Variants in BPIFA1 observed in about 807,000 individuals in gnomAD.
BPIFA1 encodes BPI fold containing family A member 1.
A neutral mutation model predicts 25.1 loss-of-function variants in BPIFA1; 24 were observed. The ratio of observed to expected loss-of-function variants is 0.96; its 90% CI spans 0.69 to 1.35. The LOEUF (loss-of-function observed/expected upper bound fraction) is 1.35. BPIFA1 is among the 40% of genes most tolerant of loss of function. BPIFA1 has a pLI of 0.00. For missense variants in BPIFA1, 344 were observed against 303.7 expected (o/e 1.13, Z -0.99); for synonymous variants, 139 against 131.8 (o/e 1.05, Z -0.37).
In BPIFA1 at chr20:33,240,454, A is replaced by G; in HGVS notation, c.581+69A>G. The G allele has an allele frequency of 2.5e-6, 4 of 1,571,868 alleles. No homozygotes were observed. The South Asian group carries it at 4.6e-5, about 18-fold the overall frequency. ...TGTGATGCCGGATGGATGATTGGAA[A>G]GCTGAGACAATGAGAGAATAGATGA... On this transcript the variant is annotated intron_variant, in intron 5 of 8. Transcript: ENST00000354297.
chr20:33,240,563 G>A (rs985487872), intron 5 of BPIFA1, among the ~76,000 whole-genome samples, 178 bp downstream of exon 5: 6 of 151,876 alleles, frequency 4.0e-5, no homozygotes, highest in Non-Finnish European at 8.8e-5. Flanking sequence ...TGGATGGATG[G>A]ATGGATGGAT....
At position 33,241,465 on chromosome 20, in the gene BPIFA1, G is replaced by A. The variant is rs1978975668; in HGVS notation, c.662G>A (p.Gly221Asp). The part of the protein sequence containing the change: ...LNKVLPELVQ[G>D]NVCPLVNEVL... Reference sequence around the variant, plus strand: ...AAAGTCCTGCCTGAGTTGGTTCAGGGCAACGTAAGTAGGCAAGGTGGGGAT... The same window carrying A: ...AAAGTCCTGCCTGAGTTGGTTCAGGACAACGTAAGTAGGCAAGGTGGGGAT... Residue 221 changes from glycine (G) to aspartate (D), a missense_variant, in exon 6 of 9, where the codon GGC becomes GAC. Gly to Asp is a moderately conservative substitution (Grantham distance 94, BLOSUM62 -1). Coordinates refer to ENST00000354297, the MANE Select transcript of BPIFA1 (RefSeq NM_130852.3). 6.2e-7 allele frequency: 1 copy of A among 1,612,626 alleles called. No homozygotes were observed. The highest frequency in any genetic ancestry group is 2.2e-5 in the East Asian group (1 of 44,880).
At chr20:33,236,827 G>T (rs982570406) in intron 1 of BPIFA1, among the ~76,000 whole-genome samples, 24 of 152,188 alleles carry the variant, frequency 1.6e-4, no homozygotes, top group African/African-American at 5.3e-4. Context: ...CCTTGGGAAA[G>T]TCACTACCCC....
chr20:33,238,285 AGT>A, intron 3 of BPIFA1, 71 bp downstream of exon 3: 1 of 863,458 alleles, frequency 1.2e-6, no homozygotes, highest in Non-Finnish European at 1.6e-6. Flanking sequence ...AGCCCCAGGC[AGT>A]GACCCTGAAG....
Position 33,242,490 on chromosome 20 carries a change from T to C in BPIFA1, c.734T>C (p.Met245Thr), listed in dbSNP as rs772839337. Residue 245 changes from methionine (M) to threonine (T), a missense_variant, in exon 8 of 9, where the codon ATG becomes ACG. Physicochemically the swap from Met to Thr is moderately conservative, Grantham distance 81. Transcript: ENST00000354297. ...DITLVHDIVNMLIHGLQFVIK... is the reference protein window; with the variant it reads ...DITLVHDIVNTLIHGLQFVIK... Reference sequence around the variant, plus strand: ...TATTGCTTGTTTGTTTGTTTAGACATGCTGATCCACGGACTACAGTTTGTC... The same window carrying C: ...TATTGCTTGTTTGTTTGTTTAGACACGCTGATCCACGGACTACAGTTTGTC... 10 of 1,614,164 alleles carry C rather than the reference T, an allele frequency of 6.2e-6. No homozygotes were observed. The highest frequency in any genetic ancestry group is 8.5e-6 in the Non-Finnish European group (10 of 1,179,990).
rs1978870717 is a variant in BPIFA1 at position 33,239,852 on chromosome 20, C to G, written c.370C>G (p.Pro124Ala). ...GCTGGAACTTGGCCTTGTGCAGAGC[C>G]CTGATGGCCACCGTCTCTATGTCAC... ...QLLELGLVQSPDGHRLYVTIP... is the reference protein window; with the variant it reads ...QLLELGLVQSADGHRLYVTIP... Residue 124 changes from proline (P) to alanine (A), a missense_variant, in exon 4 of 9, where the codon CCT (proline) becomes GCT (alanine). Physicochemically the swap from Pro to Ala is conservative, Grantham distance 27 (BLOSUM62 -1). Coordinates refer to ENST00000354297, the MANE Select transcript of BPIFA1 (RefSeq NM_130852.3). 1 of 1,614,196 alleles carries G rather than the reference C, an allele frequency of 6.2e-7. No homozygotes were observed. The highest frequency in any genetic ancestry group is 2.2e-5 in the East Asian group (1 of 44,882).
In BPIFA1 at chr20:33,239,918, G is replaced by C; in HGVS notation, c.428+8G>C. The C allele has an allele frequency of 6.2e-7, 1 of 1,609,388 alleles. No homozygotes were observed. The highest frequency in any genetic ancestry group is 8.5e-7 in the Non-Finnish European group (1 of 1,175,708). ...AAAGCTCCAAGTGAATACGTGAGTG[G>C]GTCCCAAGAGGGGGTGAGAGGATGG... On this transcript the variant is annotated splice_region_variant and intron_variant, in intron 4 of 8. Transcript: ENST00000354297.
chr20:33,240,341 C>T lies in BPIFA1; in HGVS notation c.537C>T (p.Asp179=). 2.5e-6 allele frequency: 4 copies of T among 1,614,146 alleles called. No individual in the cohort carries two copies. Among genetic ancestry groups the T allele is most frequent in the Middle Eastern group, 1.6e-4 (1 of 6,062 alleles). The part of the protein sequence containing the change: ...KQERIHLVLG[D]CTHSPGSLQI... ...AGAGGATCCACCTGGTCCTTGGTGA[C>T]TGCACCCATTCCCCTGGAAGCCTGC... The change falls in exon 5 of 9, where the codon GAC becomes GAT. Residue 179 remains aspartate (D), a synonymous_variant. Transcript: ENST00000354297.
At chr20:33,240,153 G>A in intron 4 of BPIFA1, 80 bp from the exon 5 acceptor site, 4 of 1,566,252 alleles carry the variant, frequency 2.6e-6, no homozygotes, top group Non-Finnish European at 3.5e-6. Context: ...GGTGAGGCTA[G>A]CATTCTTGGC....
chr20:33,239,324 G>A (rs866450460), intron 3 of BPIFA1, among the ~76,000 whole-genome samples: 1 of 152,174 alleles, frequency 6.6e-6, no homozygotes, highest in Non-Finnish European at 1.5e-5. Context: ...AAATGTTTGT[G>A]CAGATTTACT....
intron 6 of BPIFA1, 137 bp downstream of exon 6, chr20:33,241,606 T>G: frequency 1.3e-6 from 1 of 768,170 alleles, no homozygotes; most frequent in South Asian, 1.6e-5. Context: ...TGTCCATTGA[T>G]CCATCTGTCC....
rs758753173 is a variant in BPIFA1, at chr20:33,242,053, C to T, written c.667-3C>T. The T allele has an allele frequency of 3.7e-6, 6 of 1,613,920 alleles. No individual in the cohort carries two copies. The highest frequency in any genetic ancestry group is 5.1e-6 in the Non-Finnish European group (6 of 1,179,900). ...CCTAACTCTCCTCTCTGCCCCTGGC[C>T]AGGTGTGCCCTCTGGTCAATGAGGT... On this transcript the variant is annotated splice_polypyrimidine_tract_variant and splice_region_variant and intron_variant, in intron 6 of 8. Transcript: ENST00000354297.
Position 33,239,824 on chromosome 20 carries a change from G to A in BPIFA1, c.342G>A (p.Gln114=), listed in dbSNP as rs763681505. The A allele has an allele frequency of 3.7e-6, 6 of 1,614,188 alleles. No homozygotes were observed. The highest frequency in any genetic ancestry group is 4.2e-6 in the Non-Finnish European group (5 of 1,180,000). ...ACAGCATAAAGGTCACTGACCCCCAGCTGCTGGAACTTGGCCTTGTGCAGA... is the reference window on the plus strand; with the variant it reads ...ACAGCATAAAGGTCACTGACCCCCAACTGCTGGAACTTGGCCTTGTGCAGA... ...NIIDIKVTDP[Q]LLELGLVQSP... is the part of the protein sequence containing the mutation. The change falls in exon 4 of 9, where the codon CAG becomes CAA. Residue 114 remains glutamine, a synonymous_variant. Transcript: ENST00000354297.
chr20:33,240,682 GATAGATAAA>G (rs1568631723), intron 5 of BPIFA1, among the ~76,000 whole-genome samples: 60 of 146,168 alleles, frequency 4.1e-4, no homozygotes, highest in African/African-American at 1.6e-3. Context: ...TAGATAGATA[GATAGATAAA>G]GTAGTACTTA....
intron 7 of BPIFA1, among the ~76,000 whole-genome samples, 165 bp from the exon 8 acceptor site, chr20:33,242,322 C>G (rs1979019757): frequency 6.6e-6 from 1 of 152,186 alleles, no homozygotes; most frequent in African/African-American, 2.4e-5. Flanking sequence ...CTGAGGACAG[C>G]TGGGCTGGTT....
chr20:33,238,884 G>A (rs893071749), intron 3 of BPIFA1, among the ~76,000 whole-genome samples: 2 of 152,106 alleles, frequency 1.3e-5, no homozygotes, highest in African/African-American at 4.8e-5. Context: ...ACCCACCCAG[G>A]GTCTCACTCC....
chr20:33,240,459 A>G (rs6059187), intron 5 of BPIFA1, 74 bp downstream of exon 5: 746,660 of 1,527,232 alleles, frequency 0.49, 190,895 homozygotes, highest in African/African-American at 0.83. Context: ...TGGAAAGCTG[A>G]GACAATGAGA....
At chr20:33,236,251 A>G (rs1978671946) in intron 1 of BPIFA1, among the ~76,000 whole-genome samples, 1 of 152,238 alleles carries the variant, frequency 6.6e-6, no homozygotes, top group South Asian at 2.1e-4. Flanking sequence ...AGAAATGGGC[A>G]CTATTAATGC....
intron 1 of BPIFA1, among the ~76,000 whole-genome samples, chr20:33,236,708 G>A (rs1978694911): frequency 6.6e-6 from 1 of 152,184 alleles, no homozygotes; most frequent in South Asian, 2.1e-4. Context: ...GCAGCTTGAA[G>A]GAGAAGAGAA....
Sources: allele counts gnomAD v4.1 joint callset (sites outside exome capture counted in the v4.1 genomes callset), GRCh38; gene constraint gnomAD v4.1.1; transcripts MANE v1.5; gene names NCBI Gene and HGNC (gene_info 2026-07-23, HGNC 2026-07-21).